GRIK2: variants seen among roughly 807,000 people sequenced by gnomAD.
GRIK2 encodes glutamate ionotropic receptor kainate type subunit 2.
A neutral mutation model predicts 100.3 loss-of-function variants in GRIK2; 32 were observed. The observed-to-expected ratio is 0.32, with a 90% CI of 0.24 to 0.43. GRIK2 has a LOEUF of 0.43. GRIK2 is among the 20% of genes least tolerant of loss of function. GRIK2 has a pLI of 1.00. For synonymous variants in GRIK2, 417 were observed against 389.4 expected, an observed-to-expected ratio of 1.07 and a Z score of -0.83; for missense variants, 843 against 1,114.9, an observed-to-expected ratio of 0.76 and a Z score of 3.47.
intron 2 of GRIK2, among the ~76,000 whole-genome samples, chr6:101,594,503 A>C (rs1562249115): frequency 6.6e-6 from 1 of 151,894 alleles, no homozygotes; most frequent in Non-Finnish European, 1.5e-5. Context: ...GGTTTAAGGC[A>C]AGGAAATATA....
chr6:101,952,678 C>A (rs1371559549), intron 14 of GRIK2, among the ~76,000 whole-genome samples: 1 of 151,810 alleles, frequency 6.6e-6, no homozygotes, highest in Non-Finnish European at 1.5e-5. Context: ...TCTTGGCTCA[C>A]TGCAAGCTCC....
chr6:101,403,513 G>T (rs564422425), intron 2 of GRIK2, among the ~76,000 whole-genome samples: 25 of 152,298 alleles, frequency 1.6e-4, no homozygotes, highest in Non-Finnish European at 3.1e-4. Context: ...CAGTTTAAGG[G>T]ACCACCTATA....
intron 12 of GRIK2, among the ~76,000 whole-genome samples, chr6:101,901,117 TA>T (rs1015033410): frequency 1.3e-5 from 2 of 152,040 alleles, no homozygotes; most frequent in Non-Finnish European, 1.5e-5. Context: ...TCTTTTAAAA[TA>T]ACTACTTTTT....
intron 10 of GRIK2, among the ~76,000 whole-genome samples, chr6:101,825,800 A>C (rs1341478896): frequency 6.6e-6 from 1 of 152,134 alleles, no homozygotes; most frequent in Non-Finnish European, 1.5e-5. Flanking sequence ...AAATATGTGA[A>C]AATGAAATAT....
At chr6:101,909,688 GA>G (rs1176652083) in intron 12 of GRIK2, among the ~76,000 whole-genome samples, 1 of 41,302 alleles carries the variant, frequency 2.4e-5, no homozygotes. Flanking sequence ...TTGCCTTTTT[GA>G]AAAAAATAAT....
chr6:101,525,031 C>T (rs984493621), intron 2 of GRIK2, among the ~76,000 whole-genome samples: 1 of 152,054 alleles, frequency 6.6e-6, no homozygotes, highest in African/African-American at 2.4e-5. Flanking sequence ...CCACACTGAG[C>T]CCCCACTTGC....
intron 4 of GRIK2, among the ~76,000 whole-genome samples, chr6:101,674,590 A>G (rs1186296389): frequency 6.6e-6 from 1 of 152,186 alleles, no homozygotes; most frequent in Non-Finnish European, 1.5e-5. Flanking sequence ...GTTTCTTTAC[A>G]GCTCAATGTT....
At chr6:101,639,175 T>A (rs1409859200) in intron 4 of GRIK2, among the ~76,000 whole-genome samples, 1 of 152,130 alleles carries the variant, frequency 6.6e-6, no homozygotes, top group Non-Finnish European at 1.5e-5. Context: ...TAGCTGAGAC[T>A]ACAGGCACGT....
At chr6:101,434,305 G>A (rs1008964257) in intron 2 of GRIK2, among the ~76,000 whole-genome samples, 1 of 152,108 alleles carries the variant, frequency 6.6e-6, no homozygotes, top group Non-Finnish European at 1.5e-5. Context: ...AAAGAGTGAC[G>A]TGGCCTGAGA....
At chr6:102,031,129 C>CACACACACACACACACA in intron 14 of GRIK2, among the ~76,000 whole-genome samples, 1 of 52,916 alleles carries the variant, frequency 1.9e-5, no homozygotes, top group Non-Finnish European at 5.3e-5. Flanking sequence ...ACACACACAC[C>CACACACACACACACACA]CCCTTTGAGT....
At chr6:102,009,186 C>T (rs1290539924) in intron 14 of GRIK2, among the ~76,000 whole-genome samples, 1 of 151,884 alleles carries the variant, frequency 6.6e-6, no homozygotes, top group African/African-American at 2.4e-5. Context: ...TTGTCAGGTA[C>T]AACTAATGAA....
intron 12 of GRIK2, among the ~76,000 whole-genome samples, chr6:101,918,216 A>G (rs1291036753): frequency 6.6e-6 from 1 of 151,700 alleles, no homozygotes; most frequent in East Asian, 1.9e-4. Context: ...AAATAAACAC[A>G]TATTGAATTT....
chr6:101,535,444 C>G (rs1234084048), intron 2 of GRIK2, among the ~76,000 whole-genome samples: 1 of 151,636 alleles, frequency 6.6e-6, no homozygotes, highest in Admixed American at 6.6e-5. Context: ...TTTTTGTTTT[C>G]AATGTAAATA....
At position 101,860,561 on chromosome 6, in the gene GRIK2, C is replaced by A. The variant is rs76936038; in HGVS notation, c.1524+1068C>A. On this transcript the variant is annotated intron_variant, in intron 11 of 16. Transcript: ENST00000369134. ...AAAGTGAAGCACAGGACATGAAAAT[C>A]CTTACTAAGCATTCTCTGAAGATGG... is the stretch of plus-strand genomic sequence containing the variant. 8.8e-4 allele frequency among the ~76,000 whole-genome samples: 134 copies of A among 152,182 alleles called. 1 individual carries two copies. The East Asian group carries it at 0.024, about 27-fold the overall frequency.
At chr6:101,944,105 TAAAGTGTG>T (rs1791125765) in intron 14 of GRIK2, among the ~76,000 whole-genome samples, 1 of 152,128 alleles carries the variant, frequency 6.6e-6, no homozygotes, top group African/African-American at 2.4e-5. Context: ...CTGATAATTT[TAAAGTGTG>T]TGGCACCTAC....
intron 2 of GRIK2, among the ~76,000 whole-genome samples, chr6:101,502,923 C>T (rs1301236731): frequency 1.3e-5 from 2 of 152,106 alleles, no homozygotes; most frequent in East Asian, 3.9e-4. Flanking sequence ...CTTTTTCAAG[C>T]TGCATTTGCC....
At chr6:101,670,373 C>A (rs1770343787) in intron 4 of GRIK2, among the ~76,000 whole-genome samples, 1 of 151,886 alleles carries the variant, frequency 6.6e-6, no homozygotes, top group South Asian at 2.1e-4. Context: ...ATGTTATTCC[C>A]CAGGGAAACT....
At chr6:101,982,060 C>T (rs1324999057) in intron 14 of GRIK2, among the ~76,000 whole-genome samples, 1 of 151,882 alleles carries the variant, frequency 6.6e-6, no homozygotes, top group Admixed American at 6.6e-5. Context: ...TTCACATTCG[C>T]TATTTGAAGC....
chr6:101,440,320 G>GA (rs1408884531), intron 2 of GRIK2, among the ~76,000 whole-genome samples: 2 of 152,088 alleles, frequency 1.3e-5, no homozygotes, highest in African/African-American at 2.4e-5. Flanking sequence ...AAACTGGACA[G>GA]AAAAAACAGA....
Sources: allele counts gnomAD v4.1 joint callset (sites outside exome capture counted in the v4.1 genomes callset), GRCh38; gene constraint gnomAD v4.1.1; transcripts MANE v1.5; gene names NCBI Gene and HGNC (gene_info 2026-07-23, HGNC 2026-07-21).